Variants in TTC38 observed in about 807,000 individuals in gnomAD.
TTC38 encodes the protein tetratricopeptide repeat domain 38, also known as tetratricopeptide repeat protein 38.
TTC38 carries 64 observed loss-of-function variants against 64.2 expected under a neutral mutation model. That is an observed-to-expected ratio of 1.00 (90% CI 0.81 to 1.23). The LOEUF (loss-of-function observed/expected upper bound fraction) is 1.23. Among genes scored for constraint, TTC38 ranks in the 50% most tolerant of loss-of-function variants. The pLI is 0.00. For synonymous variants in TTC38, 254 were observed against 249.3 expected, an observed-to-expected ratio of 1.02 and a Z score of -0.18; for missense variants, 573 against 615.5, an observed-to-expected ratio of 0.93 and a Z score of 0.73.
intron 10 of TTC38, among the ~76,000 whole-genome samples, chr22:46,287,773 G>T (rs1362754873): frequency 6.6e-6 from 1 of 152,260 alleles, no homozygotes; most frequent in Non-Finnish European, 1.5e-5. Flanking sequence ...GGAGGGCATG[G>T]CAGGCTGTTT....
rs573736869 is a variant in TTC38, at chr22:46,286,014, C to CAAAAAAAAAAAAAAAA, written c.834+737_834+752dup. 2.7e-5 allele frequency among the ~76,000 whole-genome samples: 2 copies of CAAAAAAAAAAAAAAAA among 73,986 alleles called. 1 individual carries two copies. The highest frequency in any genetic ancestry group is 1.1e-4 in the African/African-American group (2 of 18,340). 48.5% of individuals were successfully genotyped at this position (73,986 alleles called of 152,430 possible). A position where few individuals can be genotyped will look rare whatever the true frequency, so the allele number is the denominator to read the frequency against. On this transcript the variant is annotated intron_variant, in intron 9 of 13. Transcript: ENST00000381031. ...TGGGTGACAGAGTGAGACTCTGTCT[C>CAAAAAAAAAAAAAAAA]AAAAAAAAAAAAAAAAAGTGTATAG... is the stretch of plus-strand genomic sequence containing the variant.
chr22:46,278,445 C>T (rs1176033305), intron 5 of TTC38, 141 bp from the exon 6 acceptor site: 4 of 692,496 alleles, frequency 5.8e-6, no homozygotes, highest in Non-Finnish European at 1.0e-5. Context: ...AAACTTATTA[C>T]CTCTGCAAAG....
chr22:46,269,593 G>A (rs995445500), intron 2 of TTC38, among the ~76,000 whole-genome samples: 22 of 152,308 alleles, frequency 1.4e-4, no homozygotes, highest in Non-Finnish European at 2.5e-4. Flanking sequence ...CATAACAGGA[G>A]GACTCAGGTA....
Position 46,272,547 on chromosome 22 carries a change from A to G in TTC38, c.193+131A>G. ...GCAGCAACCAGGGTGGCATTTGCACAGAGGGAGAGAAGATGACAGCTGCCT... is the reference window on the plus strand; with the variant it reads ...GCAGCAACCAGGGTGGCATTTGCACGGAGGGAGAGAAGATGACAGCTGCCT... On this transcript the variant is annotated intron_variant, in intron 3 of 13. Coordinates refer to ENST00000381031, the MANE Select transcript of TTC38 (RefSeq NM_017931.4). This position sits in a 1 kb window ranked among gnomAD's most constrained non-coding sequence, Gnocchi z 6.4. The G allele has an allele frequency of 2.9e-6, 2 of 680,672 alleles. No homozygotes were observed. The highest frequency in any genetic ancestry group is 3.4e-5 in the South Asian group (2 of 58,274). The allele number at this position is 680,672 out of a possible 1,614,324, so 42.2% of individuals were successfully genotyped here.
Position 46,289,873 on chromosome 22 carries a change from C to T in TTC38, c.1290C>T (p.Thr430=), listed in dbSNP as rs765670111. ...QLLIHAALNC[T]SSVHKNVARS... ...TGATTCACGCGGCCTTAAACTGCAC[C>T]TCCAGCGTCCATAAGAACGTAGCCC... The change falls in exon 13 of 14, where the codon ACC becomes ACT. Residue 430 remains threonine (T), a synonymous_variant. Transcript: ENST00000381031. The T allele has an allele frequency of 1.2e-5, 19 of 1,614,084 alleles. No homozygotes were observed. The highest frequency in any genetic ancestry group is 1.6e-5 in the Non-Finnish European group (19 of 1,180,036).
Position 46,284,090 on chromosome 22 carries a change from G to T in TTC38, c.795+58G>T, listed in dbSNP as rs1049820715. The T allele has an allele frequency of 3.5e-6, 5 of 1,443,744 alleles. No individual in the cohort carries two copies. In the African/African-American group the frequency reaches 7.1e-5, roughly 21 times the overall value. The allele number at this position is 1,443,744 out of a possible 1,614,324, so 89.4% of individuals were successfully genotyped here. A position where few individuals can be genotyped will look rare whatever the true frequency, so the allele number is the denominator to read the frequency against. ...CTATAAAGATGTCTAGAGGGAGAAA[G>T]ATTTTTCTAGCTTTTGCTATGTATT... is the stretch of plus-strand genomic sequence containing the variant. On this transcript the variant is annotated intron_variant, in intron 8 of 13. Transcript: ENST00000381031.
rs1345281537 is a variant in TTC38, at chr22:46,287,124, T to G, written c.886T>G (p.Cys296Gly). ...TGCAATGCTGGACGTGGTGGACAGC[T>G]GCTCCATGCTCTACCGCCTGCAGAT... The part of the protein sequence containing the change: ...NDAMLDVVDS[C>G]SMLYRLQMEG... Residue 296 changes from cysteine (C) to glycine (G), a missense_variant, in exon 10 of 14, where the codon TGC becomes GGC. Cys to Gly is a radical substitution (Grantham distance 159). Coordinates refer to ENST00000381031, the MANE Select transcript of TTC38 (RefSeq NM_017931.4). The G allele has an allele frequency of 6.2e-7, 1 of 1,605,582 alleles. No individual in the cohort carries two copies. Among genetic ancestry groups the G allele is most frequent in the Admixed American group, 1.7e-5 (1 of 59,840 alleles).
intron 11 of TTC38, among the ~76,000 whole-genome samples, chr22:46,289,012 G>T (rs1213280116): frequency 6.6e-6 from 1 of 152,274 alleles, no homozygotes; most frequent in African/African-American, 2.4e-5. Context: ...AAGAGCTGGT[G>T]AGGGCTGACC....
chr22:46,271,900 G>T lies in TTC38; in HGVS notation c.112-435G>T, dbSNP rs149713653. Among the ~76,000 whole-genome samples the T allele has an allele frequency of 6.6e-6, 1 of 152,286 alleles. No individual in the cohort carries two copies. The highest frequency in any genetic ancestry group is 1.5e-5 in the Non-Finnish European group (1 of 68,022). On this transcript the variant is annotated intron_variant, in intron 2 of 13. Coordinates refer to ENST00000381031, the MANE Select transcript of TTC38 (RefSeq NM_017931.4). The surrounding 1 kb of genome is among the most constrained non-coding windows in gnomAD (Gnocchi z 5.5). Reference sequence around the variant, plus strand: ...TGGGTGATGTGTATTTCATTTCTTCGTATGAAGAAAGTTATCAGCCAGGTT... The same window carrying T: ...TGGGTGATGTGTATTTCATTTCTTCTTATGAAGAAAGTTATCAGCCAGGTT...
intron 11 of TTC38, among the ~76,000 whole-genome samples, chr22:46,289,056 CG>C (rs1356020019): frequency 1.3e-5 from 2 of 152,230 alleles, no homozygotes; most frequent in Non-Finnish European, 2.9e-5. Context: ...CATTCCCTTC[CG>C]GGGGTGATGA....
rs1206795556 is a variant in TTC38 at position 46,271,358 on chromosome 22, G to A, written c.112-977G>A. Among the ~76,000 whole-genome samples the A allele has an allele frequency of 1.6e-4, 24 of 151,414 alleles. No homozygotes were observed. The highest frequency in any genetic ancestry group is 1.4e-3 in the Admixed American group (21 of 15,202). ...CTCCCGAGTAGCTGGGATTACAGGC[G>A]CCCACCACCACACCCGGCTGATTTT... On this transcript the variant is annotated intron_variant, in intron 2 of 13. Transcript: ENST00000381031. This position sits in a 1 kb window ranked among gnomAD's most constrained non-coding sequence, Gnocchi z 5.5.
chr22:46,283,234 C>T (rs1005130444), intron 7 of TTC38, among the ~76,000 whole-genome samples: 1 of 152,144 alleles, frequency 6.6e-6, no homozygotes, highest in Non-Finnish European at 1.5e-5. Context: ...CCACTGTGCC[C>T]GGCTGATCCT....
chr22:46,281,216 C>T lies in TTC38; in HGVS notation c.616-383C>T, dbSNP rs909797265. Reference sequence around the variant, plus strand: ...CTAAGAGAAAGGCAGCATCCGTGGCCTTCCAGGCAGGCGGCAGCTGAGGCC... The same window carrying T: ...CTAAGAGAAAGGCAGCATCCGTGGCTTTCCAGGCAGGCGGCAGCTGAGGCC... On this transcript the variant is annotated intron_variant, in intron 6 of 13. Coordinates refer to ENST00000381031, the MANE Select transcript of TTC38 (RefSeq NM_017931.4). This position sits in a 1 kb window ranked among gnomAD's most constrained non-coding sequence, Gnocchi z 5.2. Among the ~76,000 whole-genome samples, 2 of 152,236 alleles carry T rather than the reference C, an allele frequency of 1.3e-5. No homozygotes were observed. The highest frequency in any genetic ancestry group is 6.5e-5 in the Admixed American group (1 of 15,286).
Position 46,289,546 on chromosome 22 carries a change from T to C in TTC38, c.1227T>C (p.Gly409=). 1 of 1,592,136 alleles carries C rather than the reference T, an allele frequency of 6.3e-7. No individual in the cohort carries two copies. Among genetic ancestry groups the C allele is most frequent in the East Asian group, 2.2e-5 (1 of 44,704 alleles). The part of the protein sequence containing the change: ...LPIRYRIVQL[G]GSNAQRDVFN... ...TCCGCTACCGGATCGTCCAGCTCGG[T>C]GGGAGCAATGCCCAGGTGAGCCGAT... Residue 409 remains glycine, a synonymous_variant, in exon 12 of 14, where the codon GGT becomes GGC. Transcript: ENST00000381031.
rs1936877060 is a variant in TTC38, at chr22:46,270,741, A to C, written c.112-1594A>C. 6.6e-6 allele frequency among the ~76,000 whole-genome samples: 1 copy of C among 152,144 alleles called. No individual in the cohort carries two copies. The highest frequency in any genetic ancestry group is 1.5e-5 in the Non-Finnish European group (1 of 68,010). The stretch of plus-strand genomic sequence containing the variant: ...TCCCAGCTACTCGGGAGGCTGAGGC[A>C]GAGGAATTCTTGAACCAGGGAGGTG... On this transcript the variant is annotated intron_variant, in intron 2 of 13. Transcript: ENST00000381031. This position sits in a 1 kb window ranked among gnomAD's most constrained non-coding sequence, Gnocchi z 4.7.
intron 9 of TTC38, 113 bp from the exon 10 acceptor site, chr22:46,286,960 A>C: frequency 1.4e-6 from 1 of 731,090 alleles, no homozygotes; most frequent in Non-Finnish European, 2.3e-6. Context: ...ACAGTGGCAG[A>C]GGGCTTGCTC....
In TTC38 at chr22:46,292,899, C is replaced by T; in HGVS notation, c.*15C>T. The T allele has an allele frequency of 6.2e-7, 1 of 1,604,500 alleles. No homozygotes were observed. Among genetic ancestry groups the T allele is most frequent in the African/African-American group, 1.3e-5 (1 of 74,940 alleles). On this transcript the variant is annotated 3_prime_UTR_variant, in exon 14 of 14. Transcript: ENST00000381031. This position sits in a 1 kb window ranked among gnomAD's most constrained non-coding sequence, Gnocchi z 6.5. ...TCATGCAGTGAGCCAGCCTGGCCGC[C>T]TCCACCCTGCAGAACCTCAGTGGTG... is the stretch of plus-strand genomic sequence containing the variant.
chr22:46,277,816 A>G (rs2147790849), intron 5 of TTC38, among the ~76,000 whole-genome samples: 1 of 152,152 alleles, frequency 6.6e-6, no homozygotes, highest in East Asian at 1.9e-4. Flanking sequence ...TGCAGAAGTC[A>G]AGGAGGAGCT....
At position 46,270,525 on chromosome 22, in the gene TTC38, A is replaced by G. The variant is rs964992463; in HGVS notation, c.112-1810A>G. 6.6e-6 allele frequency among the ~76,000 whole-genome samples: 1 copy of G among 152,286 alleles called. No individual in the cohort carries two copies. ...TTTGAGTAAAGGACCAGGTACAAATACAGCAAATTGTTAAAAATGATGATG... is the reference window on the plus strand; with the variant it reads ...TTTGAGTAAAGGACCAGGTACAAATGCAGCAAATTGTTAAAAATGATGATG... On this transcript the variant is annotated intron_variant, in intron 2 of 13. Transcript: ENST00000381031. This position sits in a 1 kb window ranked among gnomAD's most constrained non-coding sequence, Gnocchi z 4.7.
Sources: allele counts gnomAD v4.1 joint callset (sites outside exome capture counted in the v4.1 genomes callset), GRCh38; gene constraint gnomAD v4.1.1; non-coding constraint Gnocchi (gnomAD v3.1); transcripts MANE v1.5; gene names NCBI Gene and HGNC (gene_info 2026-07-23, HGNC 2026-07-21).